Variants in INSL6 observed in about 807,000 individuals in gnomAD.
INSL6 encodes the protein insulin like 6.
A neutral mutation model predicts 9.4 loss-of-function variants in INSL6; 16 were observed. The ratio of observed to expected loss-of-function variants is 1.70; its 90% confidence interval spans 1.15 to 2.59. INSL6 has a LOEUF of 2.59. Ranked by LOEUF, INSL6 falls within the 30% of genes most tolerant of loss-of-function variation. The pLI is 0.00. For missense variants in INSL6, 391 were observed against 257.3 expected (o/e 1.52, Z -3.56); for synonymous variants, 154 against 96.9 (o/e 1.59, Z -3.46).
At chr9:5,016,879 TA>T in the INSL6 span, among the ~76,000 whole-genome samples, 2 of 152,134 alleles carry the variant, frequency 1.3e-5, no homozygotes, top group Non-Finnish European at 2.9e-5. Context: ...TAAAATAATT[TA>T]GAGGGAATAA....
At chr9:5,014,299 C>T in the INSL6 span, among the ~76,000 whole-genome samples, 1 of 151,876 alleles carries the variant, frequency 6.6e-6, no homozygotes, top group Non-Finnish European at 1.5e-5. Context: ...CCACTGTACC[C>T]AGCCTCTTAT....
At chr9:5,073,525 A>G in the INSL6 span, among the ~76,000 whole-genome samples, 1 of 152,294 alleles carries the variant, frequency 6.6e-6, no homozygotes. Flanking sequence ...GTTTCCTCAG[A>G]ACGTTGATGG....
the INSL6 span, among the ~76,000 whole-genome samples, chr9:5,049,465 A>G: frequency 2.0e-5 from 3 of 152,044 alleles, no homozygotes; most frequent in Non-Finnish European, 4.4e-5. Flanking sequence ...TCCATCATAC[A>G]TTTCTTTATT....
the INSL6 span, among the ~76,000 whole-genome samples, chr9:5,118,836 T>C: frequency 2.6e-5 from 4 of 152,144 alleles, no homozygotes; most frequent in Admixed American, 6.5e-5. Flanking sequence ...TCCATTATGT[T>C]TCAATTTTAT....
the INSL6 span, among the ~76,000 whole-genome samples, chr9:5,066,452 T>C: frequency 6.6e-6 from 1 of 152,086 alleles, no homozygotes; most frequent in African/African-American, 2.4e-5. Flanking sequence ...TAAATACCTT[T>C]TATTGGTTTT....
chr9:5,126,152 T>C, intron 3 of INSL6: 1 of 495,052 alleles, frequency 2.0e-6, no homozygotes, highest in Non-Finnish European at 3.6e-6. Context: ...ATGGAAATTA[T>C]AGAAGTTCCA....
the INSL6 span, chr9:5,100,549 G>C: frequency 1.3e-5 from 2 of 152,156 alleles, no homozygotes. Flanking sequence ...TATCACTCTA[G>C]TCTAGCCCCA....
chr9:4,993,149 C>T, the INSL6 span, among the ~76,000 whole-genome samples: 10 of 152,302 alleles, frequency 6.6e-5, no homozygotes, highest in African/African-American at 2.4e-4. Flanking sequence ...ATAATCTGTA[C>T]TGCCATACCC....
the INSL6 span, among the ~76,000 whole-genome samples, chr9:5,089,370 C>G: frequency 6.6e-6 from 1 of 151,926 alleles, no homozygotes; most frequent in Non-Finnish European, 1.5e-5. Flanking sequence ...AACCCTGTCT[C>G]TACTAAATAT....
chr9:5,051,729 T>G, the INSL6 span, among the ~76,000 whole-genome samples: 1 of 152,196 alleles, frequency 6.6e-6, no homozygotes, highest in Non-Finnish European at 1.5e-5. Context: ...ATCATGAGTG[T>G]GGTTAAAGCT....
intron 2 of INSL6, among the ~76,000 whole-genome samples, chr9:5,136,155 G>A (rs1054140272): frequency 6.6e-6 from 1 of 152,144 alleles, no homozygotes; most frequent in Non-Finnish European, 1.5e-5. Context: ...AAAAAGTCCA[G>A]GACCAGATGG....
At chr9:5,042,692 G>A in the INSL6 span, among the ~76,000 whole-genome samples, 1 of 152,144 alleles carries the variant, frequency 6.6e-6, no homozygotes, top group Non-Finnish European at 1.5e-5. Flanking sequence ...GGCCTGGCCT[G>A]GAGGGGTGCT....
At chr9:5,111,875 C>G in the INSL6 span, 1 of 375,216 alleles carries the variant, frequency 2.7e-6, no homozygotes, top group East Asian at 7.2e-5. Context: ...CGAGGGACCA[C>G]AGCCAGCAGC....
At chr9:5,041,648 C>G in the INSL6 span, 1 of 505,078 alleles carries the variant, frequency 2.0e-6, no homozygotes, top group Non-Finnish European at 4.0e-6. Flanking sequence ...AGCTCGACTA[C>G]GACTACCTGC....
At chr9:5,155,445 T>G (rs1232898481) in intron 2 of INSL6, among the ~76,000 whole-genome samples, 1 of 150,006 alleles carries the variant, frequency 6.7e-6, no homozygotes, top group Non-Finnish European at 1.5e-5. Context: ...CTGCACGTTA[T>G]GCACATGTAC....
At chr9:5,151,626 G>A (rs1824714221) in intron 2 of INSL6, among the ~76,000 whole-genome samples, 1 of 152,002 alleles carries the variant, frequency 6.6e-6, no homozygotes, top group South Asian at 2.1e-4. Flanking sequence ...TGTAAATGCT[G>A]AAGCAATCAC....
the INSL6 span, chr9:5,114,224 G>C: frequency 5.8e-6 from 3 of 518,776 alleles, no homozygotes; most frequent in Admixed American, 2.3e-5. Context: ...CCTTCTACCT[G>C]TTCATCCGCA....
the INSL6 span, chr9:5,072,472 T>G: frequency 1.6e-5 from 24 of 1,505,584 alleles, no homozygotes; most frequent in Middle Eastern, 3.6e-4. Flanking sequence ...ATTCTTTTCT[T>G]TTACCTTTTT....
chr9:5,042,730 G>C, the INSL6 span, among the ~76,000 whole-genome samples: 1 of 152,164 alleles, frequency 6.6e-6, no homozygotes, highest in African/African-American at 2.4e-5. Flanking sequence ...AGGCCCACCT[G>C]GGAGGGACAC....
Sources: gnomAD v4.1 joint callset for allele counts (sites outside exome capture counted in the v4.1 genomes callset) on GRCh38, gnomAD v4.1.1 for gene constraint, MANE v1.5 for transcripts, NCBI Gene and HGNC (gene_info 2026-07-23, HGNC 2026-07-21) for gene names.